LAMA2: variants seen among roughly 807,000 people sequenced by gnomAD.
LAMA2 encodes the protein laminin subunit alpha 2.
Under a neutral mutation model 364.8 loss-of-function variants are expected in LAMA2, and 269 were observed. That is an observed-to-expected ratio of 0.74 (90% confidence interval 0.67 to 0.82). The LOEUF (loss-of-function observed/expected upper bound fraction) is 0.82, where lower values mean the gene tolerates loss of function less well. Among genes scored for constraint, LAMA2 ranks in the 40% least tolerant of loss-of-function variants. The pLI is 0.00. For synonymous variants in LAMA2, 1,379 were observed against 1,370.6 expected (o/e 1.01, Z -0.14); for missense variants, 3,807 against 3,873.2 (o/e 0.98, Z 0.45).
At chr6:129,242,840 G>A (rs1785485637) in intron 12 of LAMA2, among the ~76,000 whole-genome samples, 1 of 152,070 alleles carries the variant, frequency 6.6e-6, no homozygotes, top group African/African-American at 2.4e-5. Flanking sequence ...TTTGATCAGT[G>A]TATGTCATAA....
In LAMA2 at chr6:129,292,285, G is replaced by A. The variant is rs1040747723; in HGVS notation, c.2856+565G>A. Among the ~76,000 whole-genome samples, 16 of 152,318 alleles carry A rather than the reference G, an allele frequency of 1.1e-4. 2 individuals carry two copies. The highest frequency in any genetic ancestry group is 1.0e-3 in the Admixed American group (16 of 15,304). Reference sequence around the variant, plus strand: ...CGCTTGAACCTGGGTGGCAGAGGTTGCAGTGAGCCGAGATAGTGCCACTGC... The same window carrying A: ...CGCTTGAACCTGGGTGGCAGAGGTTACAGTGAGCCGAGATAGTGCCACTGC... On this transcript the variant is annotated intron_variant, in intron 20 of 64. Coordinates refer to ENST00000421865, the MANE Select transcript of LAMA2 (RefSeq NM_000426.4).
At chr6:129,371,975 G>A (rs1778112261) in intron 34 of LAMA2, among the ~76,000 whole-genome samples, 1 of 152,102 alleles carries the variant, frequency 6.6e-6, no homozygotes, top group Non-Finnish European at 1.5e-5. Flanking sequence ...ACCCTTTCCA[G>A]CAGATTGTCT....
chr6:129,208,076 C>T (rs17056942), intron 12 of LAMA2, among the ~76,000 whole-genome samples: 11,958 of 152,166 alleles, frequency 0.079, 732 homozygotes, highest in African/African-American at 0.17. Context: ...GATCACAGAG[C>T]AGACAAGGTT....
At position 129,267,202 on chromosome 6, in the gene LAMA2, G is replaced by C; in HGVS notation, c.2305G>C (p.Val769Leu). 1 of 1,608,026 alleles carries C rather than the reference G, an allele frequency of 6.2e-7. No homozygotes were observed. Among genetic ancestry groups the C allele is most frequent in the Non-Finnish European group, 8.5e-7 (1 of 1,174,672 alleles). ...CFGHAESCDD[V>L]TGECLNCKDH... ...TGGTCATGCGGAGTCCTGTGATGAC[G>C]TCACTGGAGAATGCCTGGTAAGTGC... is the stretch of plus-strand genomic sequence containing the variant. The change falls in exon 16 of 65, where the codon GTC becomes CTC. Residue 769 changes from valine (V) to leucine (L), a missense_variant. This residue lies in a region of LAMA2 where 3,333 missense variants were observed against 3,345.7 expected (regional missense o/e 1.00). Transcript: ENST00000421865.
Position 129,056,281 on chromosome 6 carries a change from C to T in LAMA2, c.284-3503C>T, listed in dbSNP as rs184921244. ...CCAATTTCAGCACCCTCTTATTTCA[C>T]CAGGGTCATTTATTTGGTATTTAGT... On this transcript the variant is annotated intron_variant, in intron 2 of 64. Coordinates refer to ENST00000421865, the MANE Select transcript of LAMA2 (RefSeq NM_000426.4). Among the ~76,000 whole-genome samples the T allele has an allele frequency of 2.1e-3, 315 of 152,304 alleles. 3 individuals are homozygous for T. Among genetic ancestry groups the T allele is most frequent in the African/African-American group, 7.0e-3 (291 of 41,574 alleles).
chr6:129,315,846 G>A lies in LAMA2; in HGVS notation c.3820G>A (p.Val1274Met). The A allele has an allele frequency of 4.3e-6, 7 of 1,613,980 alleles. No individual in the cohort carries two copies. The highest frequency in any genetic ancestry group is 1.7e-5 in the Admixed American group (1 of 60,026). Reference protein sequence around the residue: ...ETGFSTYNPQVIIRGGTPTHA... With the variant: ...ETGFSTYNPQMIIRGGTPTHA... Reference sequence around the variant, plus strand: ...AGGTTTCTCTACATATAATCCTCAAGTGATCATTCGAGGTGGGACACCTAC... The same window carrying A: ...AGGTTTCTCTACATATAATCCTCAAATGATCATTCGAGGTGGGACACCTAC... Residue 1274 changes from valine to methionine, a missense_variant, in exon 26 of 65, where the codon GTG becomes ATG. By Grantham distance (21) the Val-to-Met change is conservative. Transcript: ENST00000421865.
In LAMA2 at chr6:129,297,968, G is replaced by T. The variant is rs189855741; in HGVS notation, c.3037+103G>T. 307 of 896,668 alleles carry T rather than the reference G, an allele frequency of 3.4e-4. 1 individual carries two copies. In the African/African-American group the frequency reaches 5.5e-3, roughly 16 times the overall value. The allele number at this position is 896,668 out of a possible 1,614,324, so 55.5% of individuals were successfully genotyped here. On this transcript the variant is annotated intron_variant, in intron 21 of 64. Coordinates refer to ENST00000421865, the MANE Select transcript of LAMA2 (RefSeq NM_000426.4). ...TAAAGGAAGCACAGATTGATACAAC[G>T]TATTTAACATAATGAGTAATGTCTA...
intron 4 of LAMA2, among the ~76,000 whole-genome samples, chr6:129,134,333 C>G (rs1246621265): frequency 1.3e-5 from 2 of 152,140 alleles, no homozygotes; most frequent in Non-Finnish European, 2.9e-5. Context: ...TAGAATTTAC[C>G]ATAAAGCATA....
At chr6:129,148,577 A>G (rs1327477922) in intron 6 of LAMA2, among the ~76,000 whole-genome samples, 4 of 152,042 alleles carry the variant, frequency 2.6e-5, no homozygotes, top group Admixed American at 2.6e-4. Context: ...CTGCACCCCT[A>G]GAGGCCTAGG....
At chr6:129,200,171 T>A (rs1782127043) in intron 12 of LAMA2, among the ~76,000 whole-genome samples, 1 of 144,128 alleles carries the variant, frequency 6.9e-6, no homozygotes, top group Non-Finnish European at 1.5e-5. Context: ...TATATACGTG[T>A]ACACATATAC....
At chr6:129,076,456 A>G (rs921042456) in intron 3 of LAMA2, among the ~76,000 whole-genome samples, 1 of 140,358 alleles carries the variant, frequency 7.1e-6, no homozygotes, top group Non-Finnish European at 1.5e-5. Flanking sequence ...TATATTATAT[A>G]TAATATATAA....
At chr6:129,262,843 TC>T (rs1213874502) in intron 15 of LAMA2, among the ~76,000 whole-genome samples, 3 of 152,156 alleles carry the variant, frequency 2.0e-5, no homozygotes, top group Admixed American at 6.6e-5. Flanking sequence ...ATGTCTTAAT[TC>T]CAGCTTGCTG....
chr6:128,900,706 C>T (rs927077655), intron 1 of LAMA2, among the ~76,000 whole-genome samples: 10 of 152,138 alleles, frequency 6.6e-5, no homozygotes, highest in South Asian at 2.1e-4. Flanking sequence ...ATTTAAAATA[C>T]GCCCTGCTGC....
At chr6:128,892,900 C>G (rs1776548123) in intron 1 of LAMA2, among the ~76,000 whole-genome samples, 1 of 151,918 alleles carries the variant, frequency 6.6e-6, no homozygotes, top group African/African-American at 2.4e-5. Flanking sequence ...TCATATAGTA[C>G]TCTAACAAAT....
intron 3 of LAMA2, among the ~76,000 whole-genome samples, chr6:129,064,240 A>G (rs1477844189): frequency 6.6e-6 from 1 of 152,052 alleles, no homozygotes; most frequent in Non-Finnish European, 1.5e-5. Flanking sequence ...ATGAGAATGG[A>G]CACACTAACA....
chr6:129,421,733 G>T (rs1394643404), intron 40 of LAMA2, among the ~76,000 whole-genome samples: 1 of 152,102 alleles, frequency 6.6e-6, no homozygotes, highest in African/African-American at 2.4e-5. Flanking sequence ...GTAACTGACA[G>T]TTGTATGCCA....
intron 44 of LAMA2, 106 bp downstream of exon 44, chr6:129,443,174 A>G: frequency 5.4e-6 from 4 of 740,270 alleles, no homozygotes; most frequent in Non-Finnish European, 9.3e-6. Context: ...TGCTTTAAAC[A>G]TTGCGTAGCT....
At chr6:128,904,240 C>T (rs1179508134) in intron 1 of LAMA2, among the ~76,000 whole-genome samples, 2 of 152,136 alleles carry the variant, frequency 1.3e-5, no homozygotes, top group Admixed American at 6.5e-5. Flanking sequence ...ATACCACCTA[C>T]AGTCTTACTT....
At chr6:129,114,609 A>G (rs1016391196) in intron 4 of LAMA2, among the ~76,000 whole-genome samples, 12 of 152,092 alleles carry the variant, frequency 7.9e-5, no homozygotes, top group African/African-American at 2.4e-4. Context: ...AAAAAACTCT[A>G]TATTTTATGT....
Sources: gnomAD v4.1 joint callset for allele counts (sites outside exome capture counted in the v4.1 genomes callset) on GRCh38, gnomAD v4.1.1 for gene constraint, gnomAD v4.1.1 regional missense constraint, MANE v1.5 for transcripts, NCBI Gene and HGNC (gene_info 2026-07-23, HGNC 2026-07-21) for gene names.